The following COG5 variants were observed in gnomAD, a reference collection of about 807,000 sequenced individuals.
COG5 encodes the protein component of oligomeric golgi complex 5.
In COG5, 86 loss-of-function variants were observed where a neutral mutation model predicts 110.4. The observed-to-expected ratio is 0.78, with a 90% CI of 0.65 to 0.93. COG5 has a LOEUF of 0.93. Among genes scored for constraint, COG5 ranks in the 40% least tolerant of loss-of-function variants. COG5 has a pLI of 0.00. For synonymous variants in COG5, 360 were observed against 334.6 expected, an observed-to-expected ratio of 1.08 and a Z score of -0.83; for missense variants, 1,077 against 987.0, an observed-to-expected ratio of 1.09 and a Z score of -1.22.
At chr7:107,377,353 T>C (rs1163706742) in intron 7 of COG5, among the ~76,000 whole-genome samples, 1 of 152,224 alleles carries the variant, frequency 6.6e-6, no homozygotes, top group Non-Finnish European at 1.5e-5. Flanking sequence ...AATCAATTGG[T>C]ATAAACTCAT....
chr7:107,248,460 G>A lies in COG5; in HGVS notation c.1789C>T (p.Leu597Phe), dbSNP rs148575627. Residue 597 changes from leucine to phenylalanine, a missense_variant, in exon 17 of 22, where the codon CTC becomes TTC. Coordinates refer to ENST00000297135, the MANE Select transcript of COG5 (RefSeq NM_006348.5). ...TCTATAGCATCTCCCACAGAAGTGA[G>A]TAAGGGTTGCACAGCATTTTCCATA... The part of the protein sequence containing the change: ...ALMENAVQPL[L>F]TSVGDAIEAI... 40 of 1,609,518 alleles carry A rather than the reference G, an allele frequency of 2.5e-5. No homozygotes were observed. In the African/African-American group the frequency reaches 5.0e-4, roughly 20 times the overall value.
intron 5 of COG5, among the ~76,000 whole-genome samples, chr7:107,539,004 C>A (rs2129166735): frequency 6.6e-6 from 1 of 152,108 alleles, no homozygotes; most frequent in South Asian, 2.1e-4. Context: ...AACAATGGAC[C>A]AGGCGGCTCA....
intron 1 of COG5, chr7:107,563,543 A>G (rs1257703379): frequency 9.5e-5 from 30 of 316,568 alleles, no homozygotes; most frequent in African/African-American, 1.5e-4. Flanking sequence ...AGCTGGAGGC[A>G]TGGGGGGGGG....
chr7:107,473,979 T>C, intron 6 of COG5: 1 of 689,552 alleles, frequency 1.5e-6, no homozygotes, highest in Non-Finnish European at 2.5e-6. Flanking sequence ...AAAGAACACG[T>C]TATACGTCAT....
At chr7:107,444,477 C>T (rs998560255) in intron 6 of COG5, among the ~76,000 whole-genome samples, 1 of 152,130 alleles carries the variant, frequency 6.6e-6, no homozygotes, top group African/African-American at 2.4e-5. Flanking sequence ...ACACTGTTTT[C>T]GCCACTCCAA....
chr7:107,295,747 G>C (rs1806684193), intron 12 of COG5, among the ~76,000 whole-genome samples: 1 of 152,030 alleles, frequency 6.6e-6, no homozygotes, highest in Non-Finnish European at 1.5e-5. Flanking sequence ...AAACACAGTA[G>C]CTTTTTTTAC....
chr7:107,389,559 C>G (rs1040254145), intron 7 of COG5, among the ~76,000 whole-genome samples: 5 of 152,188 alleles, frequency 3.3e-5, no homozygotes, highest in African/African-American at 9.7e-5. Context: ...AAGGACAAAG[C>G]TGGGAAAGTA....
At chr7:107,441,786 C>T (rs978234475) in intron 6 of COG5, among the ~76,000 whole-genome samples, 1 of 152,132 alleles carries the variant, frequency 6.6e-6, no homozygotes, top group Non-Finnish European at 1.5e-5. Context: ...GACTAATGCT[C>T]AAAAATCTCC....
intron 6 of COG5, among the ~76,000 whole-genome samples, chr7:107,480,111 C>G (rs998867048): frequency 6.6e-6 from 1 of 152,078 alleles, no homozygotes; most frequent in Non-Finnish European, 1.5e-5. Flanking sequence ...GCAAATAAAG[C>G]TTTTTCTGTC....
At chr7:107,226,224 A>G (rs1183977305) in intron 19 of COG5, among the ~76,000 whole-genome samples, 1 of 152,102 alleles carries the variant, frequency 6.6e-6, no homozygotes, top group Non-Finnish European at 1.5e-5. Flanking sequence ...TATTCAGGCA[A>G]TCTCCTACTG....
intron 7 of COG5, among the ~76,000 whole-genome samples, chr7:107,393,284 C>A (rs777590139): frequency 1.3e-5 from 2 of 152,136 alleles, no homozygotes; most frequent in Non-Finnish European, 2.9e-5. Flanking sequence ...ACATCCCCTA[C>A]CAAACTCCCT....
intron 5 of COG5, among the ~76,000 whole-genome samples, chr7:107,538,362 G>A (rs541487604): frequency 6.6e-6 from 1 of 152,242 alleles, no homozygotes; most frequent in South Asian, 2.1e-4. Flanking sequence ...ATTAGACACT[G>A]CCTCCTCAAG....
chr7:107,550,781 C>T (rs914675671), intron 3 of COG5, among the ~76,000 whole-genome samples: 2 of 152,094 alleles, frequency 1.3e-5, no homozygotes, highest in Non-Finnish European at 2.9e-5. Context: ...TCTCGGCTCA[C>T]CGCAACCTCT....
chr7:107,425,495 T>C (rs766764967), intron 6 of COG5, among the ~76,000 whole-genome samples: 2 of 151,118 alleles, frequency 1.3e-5, no homozygotes, highest in Non-Finnish European at 2.9e-5. Context: ...ATTCTATTTC[T>C]GAATTTTACT....
chr7:107,405,182 ATC>A (rs1228961625), intron 7 of COG5, among the ~76,000 whole-genome samples: 1 of 152,188 alleles, frequency 6.6e-6, no homozygotes, highest in African/African-American at 2.4e-5. Context: ...TAACCTTTCC[ATC>A]TCTTTGTTTC....
intron 12 of COG5, among the ~76,000 whole-genome samples, chr7:107,291,477 C>A (rs1430336455): frequency 6.6e-6 from 1 of 152,150 alleles, no homozygotes; most frequent in Non-Finnish European, 1.5e-5. Context: ...TAGTGATTGG[C>A]TGGATTATTT....
At chr7:107,431,392 T>C (rs181158130) in intron 6 of COG5, among the ~76,000 whole-genome samples, 3 of 151,754 alleles carry the variant, frequency 2.0e-5, no homozygotes, top group Non-Finnish European at 4.4e-5. Flanking sequence ...TAGAGGGAGA[T>C]AACACAAACA....
chr7:107,322,546 G>C (rs947845131), intron 11 of COG5, among the ~76,000 whole-genome samples: 2 of 152,064 alleles, frequency 1.3e-5, no homozygotes, highest in Non-Finnish European at 2.9e-5. Context: ...ACACCCACTG[G>C]AATGACTAAA....
At chr7:107,495,949 A>AT (rs1457619969) in intron 6 of COG5, among the ~76,000 whole-genome samples, 2 of 106,740 alleles carry the variant, frequency 1.9e-5, no homozygotes, top group Non-Finnish European at 1.9e-5. Flanking sequence ...TCATTTTTTA[A>AT]TTATTTTTTT....
Sources: gnomAD v4.1 joint callset for allele counts (sites outside exome capture counted in the v4.1 genomes callset) on GRCh38, gnomAD v4.1.1 for gene constraint, MANE v1.5 for transcripts, NCBI Gene and HGNC (gene_info 2026-07-23, HGNC 2026-07-21) for gene names.